The following AFAP1 variants were observed in gnomAD, a reference collection of about 807,000 sequenced individuals.
The protein encoded by AFAP1 is actin filament-associated protein 1.
In AFAP1, 75 loss-of-function variants were observed where a neutral mutation model predicts 93.9. The observed-to-expected ratio is 0.80, with a 90% CI of 0.66 to 0.97. The LOEUF is 0.97. Among genes scored for constraint, AFAP1 ranks in the 50% least tolerant of loss-of-function variants. The probability of loss-of-function intolerance (pLI) is 0.00; values close to 1 mark genes in which losing one functional copy is unlikely to be tolerated. For synonymous variants in AFAP1, 517 were observed against 430.7 expected (o/e 1.20, Z -2.48); for missense variants, 1,201 against 1,050.8 (o/e 1.14, Z -1.98).
chr4:7,804,595 G>T (rs963178240), intron 9 of AFAP1, among the ~76,000 whole-genome samples: 2 of 152,160 alleles, frequency 1.3e-5, no homozygotes, highest in Admixed American at 1.3e-4. Context: ...GGGCGTCGCG[G>T]GTCTCAGTGC....
Position 7,826,705 on chromosome 4 carries a change from G to A in AFAP1, c.727-7534C>T, listed in dbSNP as rs374774181. On this transcript the variant is annotated intron_variant, in intron 6 of 17. Coordinates refer to ENST00000420658, the MANE Select transcript of AFAP1 (RefSeq NM_001134647.2). ...ACGTCAATGGTTTGGAAGGCAGTAG[G>A]GGAGTGAGAGTGAGGCAAGGTGAAG... Among the ~76,000 whole-genome samples the A allele has an allele frequency of 9.8e-5, 15 of 152,322 alleles. No homozygotes were observed. The South Asian group carries it at 1.0e-3, about 11-fold the overall frequency.
chr4:7,926,514 G>A (rs963139733), intron 1 of AFAP1, among the ~76,000 whole-genome samples: 4 of 152,176 alleles, frequency 2.6e-5, no homozygotes, highest in African/African-American at 4.8e-5. Context: ...GCACTGCTCA[G>A]CCTCCAGGGT....
chr4:7,932,017 T>C (rs1331366766), intron 1 of AFAP1, among the ~76,000 whole-genome samples: 1 of 152,012 alleles, frequency 6.6e-6, no homozygotes, highest in Non-Finnish European at 1.5e-5. Flanking sequence ...CCCGCCACCA[T>C]GCCCGGCTAA....
intron 1 of AFAP1, among the ~76,000 whole-genome samples, chr4:7,922,235 C>T (rs929203357): frequency 3.9e-5 from 6 of 152,104 alleles, no homozygotes; most frequent in South Asian, 2.1e-4. Context: ...TCAAAATATA[C>T]GACTATAGTA....
chr4:7,847,757 G>A (rs1368344807), intron 4 of AFAP1, among the ~76,000 whole-genome samples: 5 of 147,058 alleles, frequency 3.4e-5, no homozygotes, highest in African/African-American at 1.3e-4. Context: ...GGTATTCACA[G>A]AGAGAGGAAC....
intron 11 of AFAP1, chr4:7,788,502 A>G (rs1273978779): frequency 6.6e-6 from 1 of 152,254 alleles, no homozygotes; most frequent in African/African-American, 2.4e-5. Context: ...TATAATTTAT[A>G]AACTTTTTCC....
At position 7,871,942 on chromosome 4, in the gene AFAP1, T is replaced by A; in HGVS notation, c.127+10A>T. The A allele has an allele frequency of 1.9e-6, 3 of 1,613,002 alleles. No individual in the cohort carries two copies. Among genetic ancestry groups the A allele is most frequent in the Non-Finnish European group, 2.5e-6 (3 of 1,179,042 alleles). On this transcript the variant is annotated intron_variant, in intron 2 of 17. Coordinates refer to ENST00000420658, the MANE Select transcript of AFAP1 (RefSeq NM_001134647.2). Reference sequence around the variant, plus strand: ...TAAGAAGGAAAAGCAGGCGTCAGAATGAGACTCACCTTTGGATGACTGTAT... The same window carrying A: ...TAAGAAGGAAAAGCAGGCGTCAGAAAGAGACTCACCTTTGGATGACTGTAT...
chr4:7,919,049 C>T (rs111820541), intron 1 of AFAP1, among the ~76,000 whole-genome samples: 24 of 148,474 alleles, frequency 1.6e-4, no homozygotes, highest in African/African-American at 4.7e-4. Context: ...ACAGGGCTGC[C>T]GGAAGAGACA....
At chr4:7,855,099 G>A (rs1195782265) in intron 4 of AFAP1, among the ~76,000 whole-genome samples, 3 of 152,202 alleles carry the variant, frequency 2.0e-5, no homozygotes, top group South Asian at 2.1e-4. Context: ...TGCTTTAATC[G>A]TGGCAGAATG....
rs1333473009 is a variant in AFAP1, at chr4:7,840,388, AC to A, written c.547-1686del. Among the ~76,000 whole-genome samples the A allele has an allele frequency of 2.0e-5, 3 of 149,166 alleles. No individual in the cohort carries two copies. In the South Asian group the frequency reaches 6.4e-4, roughly 32 times the overall value. Reference sequence around the variant, plus strand: ...AAGTTCAGTGGCACGATCTTGGCTCACTGCAACCTCCCCCTCCTGGGTTCAA... The same window carrying A: ...AAGTTCAGTGGCACGATCTTGGCTCATGCAACCTCCCCCTCCTGGGTTCAA... On this transcript the variant is annotated intron_variant, in intron 5 of 17. Coordinates refer to ENST00000420658, the MANE Select transcript of AFAP1 (RefSeq NM_001134647.2).
At chr4:7,768,756 G>A (rs934685521) in intron 17 of AFAP1, 88 bp downstream of exon 17, 26 of 1,410,654 alleles carry the variant, frequency 1.8e-5, no homozygotes, top group Non-Finnish European at 2.1e-5. Context: ...GTAGGAAGAA[G>A]AATGGGCTCC....
chr4:7,766,666 G>A (rs969335891), intron 17 of AFAP1, among the ~76,000 whole-genome samples: 3 of 152,074 alleles, frequency 2.0e-5, no homozygotes, highest in Admixed American at 6.5e-5. Context: ...AATGTGTCAC[G>A]AGAGGCAGGG....
intron 3 of AFAP1, among the ~76,000 whole-genome samples, chr4:7,863,134 A>T (rs1715936825): frequency 6.6e-6 from 1 of 152,340 alleles, no homozygotes; most frequent in African/African-American, 2.4e-5. Context: ...TCTTTTGAAA[A>T]GCCAGGCGCG....
intron 6 of AFAP1, among the ~76,000 whole-genome samples, chr4:7,836,321 A>G (rs1272154362): frequency 6.6e-6 from 1 of 152,220 alleles, no homozygotes; most frequent in East Asian, 1.9e-4. Flanking sequence ...ACGAAAGCCC[A>G]AGTACTGTAA....
chr4:7,880,463 A>T (rs546877518), intron 1 of AFAP1, among the ~76,000 whole-genome samples: 1 of 152,236 alleles, frequency 6.6e-6, no homozygotes, highest in African/African-American at 2.4e-5. Context: ...TATTTTTAGT[A>T]GAGACGGGGT....
chr4:7,847,614 C>T (rs990235553), intron 4 of AFAP1, among the ~76,000 whole-genome samples: 3 of 152,172 alleles, frequency 2.0e-5, no homozygotes, highest in Admixed American at 1.3e-4. Context: ...GAGAAGTTCA[C>T]CGTCTGGAGG....
Position 7,799,909 on chromosome 4 carries a change from A to G in AFAP1, c.1266+533T>C, listed in dbSNP as rs1322480672. Among the ~76,000 whole-genome samples, 5 of 152,168 alleles carry G rather than the reference A, an allele frequency of 3.3e-5. No homozygotes were observed. The East Asian group carries it at 7.7e-4, about 23-fold the overall frequency. On this transcript the variant is annotated intron_variant, in intron 10 of 17. Coordinates refer to ENST00000420658, the MANE Select transcript of AFAP1 (RefSeq NM_001134647.2). ...ACCAAGCCCAGGGCTCCGAAACAGC[A>G]AAGGCGCTCTTTCAGTGTCTGTGTC... is the stretch of plus-strand genomic sequence containing the variant.
chr4:7,813,057 G>C (rs1174161979), intron 8 of AFAP1, among the ~76,000 whole-genome samples: 1 of 152,144 alleles, frequency 6.6e-6, no homozygotes, highest in African/African-American at 2.4e-5. Context: ...AGAAACAGGA[G>C]TTCCAGAGTC....
At chr4:7,801,433 T>TAA (rs1229431368) in intron 9 of AFAP1, among the ~76,000 whole-genome samples, 2 of 146,540 alleles carry the variant, frequency 1.4e-5, no homozygotes, top group African/African-American at 5.0e-5. Flanking sequence ...TATCCTCATT[T>TAA]AAAAAAAAAA....
Sources: gnomAD v4.1 joint callset for allele counts (sites outside exome capture counted in the v4.1 genomes callset) on GRCh38, gnomAD v4.1.1 for gene constraint, MANE v1.5 for transcripts, NCBI Gene and HGNC (gene_info 2026-07-23, HGNC 2026-07-21) for gene names.